The following ENOX1 variants were observed in gnomAD, a reference collection of about 807,000 sequenced individuals.
The protein encoded by ENOX1 is ecto-NOX disulfide-thiol exchanger 1.
A neutral mutation model predicts 82.5 loss-of-function variants in ENOX1; 42 were observed. The ratio of observed to expected loss-of-function variants is 0.51; its 90% CI spans 0.40 to 0.66. ENOX1 has a LOEUF of 0.66. Ranked by LOEUF, ENOX1 falls within the 30% of genes least tolerant of loss-of-function variation. The probability of loss-of-function intolerance (pLI) is 0.00; values close to 1 mark genes in which losing one functional copy is unlikely to be tolerated. For missense variants in ENOX1, 608 were observed against 811.6 expected, an observed-to-expected ratio of 0.75 and a Z score of 3.05; for synonymous variants, 271 against 282.2, an observed-to-expected ratio of 0.96 and a Z score of 0.40.
intron 11 of ENOX1, among the ~76,000 whole-genome samples, chr13:43,310,427 A>G (rs1352243595): frequency 6.6e-6 from 1 of 152,148 alleles, no homozygotes; most frequent in Non-Finnish European, 1.5e-5. Flanking sequence ...ACTTCCTTCC[A>G]ATTAAGCAGA....
At chr13:43,739,375 C>T (rs996061159) in intron 1 of ENOX1, among the ~76,000 whole-genome samples, 3 of 151,964 alleles carry the variant, frequency 2.0e-5, no homozygotes, top group Non-Finnish European at 4.4e-5. Context: ...TGGCAAAACC[C>T]CATCTCTACT....
chr13:43,325,549 T>C (rs865892088), intron 10 of ENOX1, among the ~76,000 whole-genome samples: 1 of 152,200 alleles, frequency 6.6e-6, no homozygotes, highest in Non-Finnish European at 1.5e-5. Flanking sequence ...AAAATACTTA[T>C]TTTACAAGTG....
intron 2 of ENOX1, among the ~76,000 whole-genome samples, chr13:43,616,204 A>ATATATTTT (rs1457149422): frequency 4.6e-4 from 7 of 15,318 alleles, no homozygotes; most frequent in Admixed American, 1.6e-3. Context: ...ATATATATAT[A>ATATATTTT]TTTTTTTTTT....
intron 1 of ENOX1, among the ~76,000 whole-genome samples, chr13:43,748,182 A>G (rs945453320): frequency 2.6e-5 from 4 of 152,176 alleles, no homozygotes; most frequent in Non-Finnish European, 4.4e-5. Context: ...GCTCCTTGTC[A>G]TTCTATGTGT....
intron 1 of ENOX1, among the ~76,000 whole-genome samples, chr13:43,685,725 C>G (rs2086033267): frequency 6.6e-6 from 1 of 151,996 alleles, no homozygotes; most frequent in African/African-American, 2.4e-5. Context: ...ACTGTAAGCT[C>G]AACTTTGAGC....
intron 1 of ENOX1, among the ~76,000 whole-genome samples, chr13:43,744,261 G>A (rs919506785): frequency 6.6e-6 from 1 of 152,038 alleles, no homozygotes; most frequent in Admixed American, 6.6e-5. Context: ...GGGCTTCTCT[G>A]AAAACAAGTT....
intron 8 of ENOX1, among the ~76,000 whole-genome samples, chr13:43,351,974 T>C (rs912729659): frequency 2.2e-4 from 33 of 152,304 alleles, no homozygotes; most frequent in African/African-American, 7.7e-4. Flanking sequence ...GTTTCATATT[T>C]CCCTTACTCT....
intron 8 of ENOX1, among the ~76,000 whole-genome samples, chr13:43,350,314 CA>C (rs1490394146): frequency 6.6e-6 from 1 of 152,210 alleles, no homozygotes; most frequent in African/African-American, 2.4e-5. Flanking sequence ...TATTCTTTAA[CA>C]AAAGACAGGG....
intron 11 of ENOX1, among the ~76,000 whole-genome samples, chr13:43,316,241 T>A (rs2047476418): frequency 6.6e-6 from 1 of 152,062 alleles, no homozygotes. Flanking sequence ...ATCAAACAGG[T>A]ATGGATTGTT....
intron 2 of ENOX1, chr13:43,547,712 T>C (rs1449252154): frequency 1.3e-5 from 2 of 152,214 alleles, no homozygotes; most frequent in African/African-American, 2.4e-5. Context: ...GACCAGATAT[T>C]ATAAAACCGT....
At chr13:43,632,591 G>A (rs1196722268) in intron 2 of ENOX1, among the ~76,000 whole-genome samples, 11 of 151,582 alleles carry the variant, frequency 7.3e-5, no homozygotes, top group African/African-American at 1.9e-4. Flanking sequence ...GATTACAGGC[G>A]CCTGCCACCA....
At chr13:43,782,149 T>C (rs914634860) in intron 1 of ENOX1, among the ~76,000 whole-genome samples, 2 of 152,232 alleles carry the variant, frequency 1.3e-5, no homozygotes, top group African/African-American at 2.4e-5. Context: ...AATGTAAGTA[T>C]TGTGTGTGTT....
At chr13:43,535,511 T>C (rs2078421038) in intron 2 of ENOX1, among the ~76,000 whole-genome samples, 1 of 152,132 alleles carries the variant, frequency 6.6e-6, no homozygotes, top group South Asian at 2.1e-4. Context: ...TTCAGGCACT[T>C]TGTAGCAAAG....
At chr13:43,718,760 T>C (rs1478463392) in intron 1 of ENOX1, among the ~76,000 whole-genome samples, 1 of 151,562 alleles carries the variant, frequency 6.6e-6, no homozygotes, top group Non-Finnish European at 1.5e-5. Flanking sequence ...CGATATAATG[T>C]TGCTGTTGGA....
intron 1 of ENOX1, among the ~76,000 whole-genome samples, chr13:43,737,859 C>T (rs909664843): frequency 2.1e-4 from 32 of 152,142 alleles, no homozygotes; most frequent in African/African-American, 5.8e-4. Context: ...CCTTACACAG[C>T]AAACATACCT....
chr13:43,489,548 T>A (rs571941875), intron 2 of ENOX1, among the ~76,000 whole-genome samples: 2 of 152,278 alleles, frequency 1.3e-5, no homozygotes, highest in Admixed American at 6.5e-5. Flanking sequence ...CTAGTGGAAC[T>A]GTGGGGTCAG....
At chr13:43,655,367 G>T (rs1018658423) in intron 2 of ENOX1, among the ~76,000 whole-genome samples, 1 of 151,834 alleles carries the variant, frequency 6.6e-6, no homozygotes, top group Non-Finnish European at 1.5e-5. Context: ...GTTTTTTTTG[G>T]ACTGTTAAAT....
chr13:43,280,674 T>A (rs737506), intron 12 of ENOX1, among the ~76,000 whole-genome samples: 24,446 of 152,234 alleles, frequency 0.16, 2,645 homozygotes, highest in East Asian at 0.6. Flanking sequence ...CTGTATCACC[T>A]ATATTACTTA....
intron 5 of ENOX1, among the ~76,000 whole-genome samples, chr13:43,380,816 T>G (rs1015193705): frequency 6.6e-6 from 1 of 151,662 alleles, no homozygotes; most frequent in Admixed American, 6.6e-5. Flanking sequence ...GATAAATGAG[T>G]CATTTCATAA....
Sources: allele counts gnomAD v4.1 joint callset (sites outside exome capture counted in the v4.1 genomes callset), GRCh38; gene constraint gnomAD v4.1.1; transcripts MANE v1.5; gene names NCBI Gene and HGNC (gene_info 2026-07-23, HGNC 2026-07-21).